The following ADK variants were observed in gnomAD, a reference collection of about 807,000 sequenced individuals.
The protein encoded by ADK is adenosine kinase, also known as N6,N6-dimethyladenosine kinase.
In ADK, 24 loss-of-function variants were observed where a neutral mutation model predicts 44.7. The observed-to-expected ratio is 0.54, with a 90% CI of 0.39 to 0.76. ADK has a LOEUF of 0.76. Among genes scored for constraint, ADK ranks in the 30% least tolerant of loss-of-function variants. The pLI is 0.00. For missense variants in ADK, 321 were observed against 425.1 expected (o/e 0.76, Z 2.15); for synonymous variants, 128 against 142.6 (o/e 0.90, Z 0.73).
intron 9 of ADK, among the ~76,000 whole-genome samples, chr10:74,669,865 T>A (rs1409307502): frequency 6.6e-6 from 1 of 152,208 alleles, no homozygotes; most frequent in Non-Finnish European, 1.5e-5. Context: ...TCCTTTAGTT[T>A]ATGGCTTCTG....
chr10:74,208,825 C>T (rs1397639198), intron 2 of ADK, among the ~76,000 whole-genome samples: 1 of 152,080 alleles, frequency 6.6e-6, no homozygotes. Flanking sequence ...CAACCTCTGC[C>T]TCCCAGGTTC....
chr10:74,662,470 G>GTT (rs1489787775), intron 9 of ADK, among the ~76,000 whole-genome samples: 1 of 152,052 alleles, frequency 6.6e-6, no homozygotes, highest in Admixed American at 6.6e-5. Flanking sequence ...GGGTAGAGAT[G>GTT]AAGTTTTGCC....
At chr10:74,565,431 A>T (rs1234963480) in intron 7 of ADK, among the ~76,000 whole-genome samples, 1 of 152,228 alleles carries the variant, frequency 6.6e-6, no homozygotes, top group Admixed American at 6.5e-5. Context: ...ATAATAATAA[A>T]AAAACCATAA....
intron 5 of ADK, among the ~76,000 whole-genome samples, chr10:74,397,694 C>A (rs1378343411): frequency 2.6e-5 from 4 of 152,042 alleles, no homozygotes; most frequent in Admixed American, 6.6e-5. Context: ...TGCACCACTA[C>A]CCCCAGCTAA....
intron 6 of ADK, among the ~76,000 whole-genome samples, chr10:74,456,813 T>C (rs1380401497): frequency 6.6e-6 from 1 of 152,070 alleles, no homozygotes; most frequent in East Asian, 1.9e-4. Context: ...CCAGAATCTC[T>C]TGGACACAGC....
chr10:74,399,007 T>C (rs908453579), intron 6 of ADK, among the ~76,000 whole-genome samples: 3 of 152,064 alleles, frequency 2.0e-5, no homozygotes, highest in Non-Finnish European at 4.4e-5. Flanking sequence ...ATTTATTCCA[T>C]AGTAATTACC....
chr10:74,640,428 G>C (rs1477537740), intron 9 of ADK, among the ~76,000 whole-genome samples: 1 of 152,224 alleles, frequency 6.6e-6, no homozygotes, highest in Non-Finnish European at 1.5e-5. Flanking sequence ...GAGTAAGCTG[G>C]AAAATAACAA....
intron 6 of ADK, among the ~76,000 whole-genome samples, chr10:74,495,861 C>A (rs1220752833): frequency 6.6e-6 from 1 of 152,112 alleles, no homozygotes; most frequent in Non-Finnish European, 1.5e-5. Flanking sequence ...CTGAATTTTC[C>A]AAGGTTTGGA....
chr10:74,587,526 A>T (rs536869729), intron 7 of ADK, among the ~76,000 whole-genome samples: 1 of 152,282 alleles, frequency 6.6e-6, no homozygotes, highest in Admixed American at 6.5e-5. Context: ...AGGTGCATAC[A>T]TGTATTTTTT....
intron 9 of ADK, chr10:74,655,529 A>G (rs2134149653): frequency 2.0e-6 from 1 of 501,750 alleles, no homozygotes; most frequent in Non-Finnish European, 4.0e-6. Context: ...GGAAGAAAAC[A>G]ATGAACCAGA....
At chr10:74,698,261 C>T (rs915485570) in intron 10 of ADK, among the ~76,000 whole-genome samples, 1 of 152,210 alleles carries the variant, frequency 6.6e-6, no homozygotes, top group Admixed American at 6.5e-5. Context: ...ACAACAACTG[C>T]CTCAGCATAT....
intron 8 of ADK, among the ~76,000 whole-genome samples, chr10:74,595,783 G>C (rs1457209019): frequency 1.5e-5 from 2 of 131,744 alleles, no homozygotes; most frequent in Non-Finnish European, 1.6e-5. Flanking sequence ...GATCACCTGA[G>C]GTCAGGAGTT....
At chr10:74,305,575 C>T (rs1301532607) in intron 3 of ADK, among the ~76,000 whole-genome samples, 1 of 152,028 alleles carries the variant, frequency 6.6e-6, no homozygotes, top group African/African-American at 2.4e-5. Flanking sequence ...TTTGGTATAT[C>T]CCTTGGTTCC....
rs796972541 is a variant in ADK, at chr10:74,667,118, A to T, written c.878-3065A>T. On this transcript the variant is annotated intron_variant, in intron 9 of 10. Transcript: ENST00000539909. ...AGTGCTGGGATTACAGGCATGAGCC[A>T]CTGTGCCCGGCCATGACTTTTTATA... 1.8e-4 allele frequency among the ~76,000 whole-genome samples: 28 copies of T among 152,294 alleles called. 1 individual carries two copies. The highest frequency in any genetic ancestry group is 5.8e-4 in the African/African-American group (24 of 41,572).
intron 4 of ADK, among the ~76,000 whole-genome samples, chr10:74,355,004 T>A (rs1842087455): frequency 6.6e-6 from 1 of 152,236 alleles, no homozygotes. Context: ...CATACATTTG[T>A]CTGTACTGGG....
At chr10:74,410,610 G>T (rs1201777181) in intron 6 of ADK, among the ~76,000 whole-genome samples, 1 of 152,140 alleles carries the variant, frequency 6.6e-6, no homozygotes, top group African/African-American at 2.4e-5. Context: ...AAACCCAGGA[G>T]GCAGAGGTTG....
rs376037394 is a variant in ADK, at chr10:74,345,887, TTTG to T, written c.273+31163_273+31165del. ...TTGTTGCATTTAAAATTTCTGGGTT[TTTG>T]TTGTTGTTGTTGTTGTTGTTTTGAG... On this transcript the variant is annotated intron_variant, in intron 4 of 10. Coordinates refer to ENST00000539909, the MANE Select transcript of ADK (RefSeq NM_006721.4). Among the ~76,000 whole-genome samples, 741 of 151,976 alleles carry T rather than the reference TTTG, an allele frequency of 4.9e-3. 3 individuals are homozygous for T. Among genetic ancestry groups the T allele is most frequent in the Middle Eastern group, 0.014 (4 of 292 alleles).
chr10:74,161,560 T>C (rs1488704913), intron 1 of ADK, among the ~76,000 whole-genome samples: 2 of 152,062 alleles, frequency 1.3e-5, no homozygotes, highest in Admixed American at 1.3e-4. Flanking sequence ...GAGACAGGGT[T>C]TCACTATGTT....
intron 4 of ADK, among the ~76,000 whole-genome samples, chr10:74,358,229 C>T (rs997783213): frequency 6.6e-6 from 1 of 152,142 alleles, no homozygotes; most frequent in African/African-American, 2.4e-5. Context: ...TGTCAAGTGA[C>T]AGGCTTTTTG....
Sources: allele counts gnomAD v4.1 joint callset (sites outside exome capture counted in the v4.1 genomes callset), GRCh38; gene constraint gnomAD v4.1.1; transcripts MANE v1.5; gene names NCBI Gene and HGNC (gene_info 2026-07-23, HGNC 2026-07-21).